RAB39A: variants seen among roughly 807,000 people sequenced by gnomAD.
RAB39A encodes ras-related protein Rab-39A.
In RAB39A, 17 loss-of-function variants were observed where a neutral mutation model predicts 20.9. The observed-to-expected ratio is 0.81, with a 90% CI of 0.56 to 1.22. The LOEUF (loss-of-function observed/expected upper bound fraction) is 1.22, where lower values mean the gene tolerates loss of function less well. RAB39A is among the 50% of genes most tolerant of loss of function. The pLI is 0.00. For missense variants in RAB39A, 234 were observed against 270.5 expected (o/e 0.87, Z 0.95); for synonymous variants, 99 against 103.4 (o/e 0.96, Z 0.26).
At chr11:107,945,237 C>G (rs1406915581) in intron 1 of RAB39A, among the ~76,000 whole-genome samples, 2 of 147,820 alleles carry the variant, frequency 1.4e-5, no homozygotes, top group Non-Finnish European at 3.0e-5. Flanking sequence ...AATCCCAGCA[C>G]TCTGGGAGGC....
chr11:107,946,363 T>C (rs11500992), intron 1 of RAB39A, among the ~76,000 whole-genome samples: 6 of 129,884 alleles, frequency 4.6e-5, no homozygotes, highest in South Asian at 2.6e-4. Context: ...CACACACACA[T>C]ATATATACAC....
intron 1 of RAB39A, among the ~76,000 whole-genome samples, chr11:107,943,361 G>A (rs562076811): frequency 6.6e-6 from 1 of 152,126 alleles, no homozygotes; most frequent in Admixed American, 6.5e-5. Context: ...CACGAGGTCA[G>A]GAGATTGAGA....
chr11:107,929,567 T>C (rs1861116399), intron 1 of RAB39A, among the ~76,000 whole-genome samples: 1 of 152,046 alleles, frequency 6.6e-6, no homozygotes, highest in Admixed American at 6.6e-5. Flanking sequence ...AAGACATATA[T>C]TGAGATTCGC....
At chr11:107,944,321 A>G (rs959112951) in intron 1 of RAB39A, among the ~76,000 whole-genome samples, 2 of 152,138 alleles carry the variant, frequency 1.3e-5, no homozygotes, top group African/African-American at 4.8e-5. Context: ...CATGGCCACA[A>G]CTAGCTGCAG....
rs374047797 is a variant in RAB39A, at chr11:107,940,696, G to A, written c.227+11901G>A. Among the ~76,000 whole-genome samples, 376 of 152,212 alleles carry A rather than the reference G, an allele frequency of 2.5e-3. 1 individual carries two copies. The highest frequency in any genetic ancestry group is 7.4e-3 in the African/African-American group (308 of 41,528). ...GCTTTAAAAATGACCACCTCGGCCG[G>A]GTGTGGTGGCTCATGCCTGTAATCC... On this transcript the variant is annotated intron_variant, in intron 1 of 1. Coordinates refer to ENST00000320578, the MANE Select transcript of RAB39A (RefSeq NM_017516.3).
intron 1 of RAB39A, among the ~76,000 whole-genome samples, chr11:107,935,098 G>A (rs1861180576): frequency 6.6e-6 from 1 of 152,044 alleles, no homozygotes; most frequent in Admixed American, 6.6e-5. Flanking sequence ...CTTGCCAGGT[G>A]TCTTACTGTT....
intron 1 of RAB39A, among the ~76,000 whole-genome samples, chr11:107,929,195 G>A (rs1266619180): frequency 6.6e-6 from 1 of 152,196 alleles, no homozygotes; most frequent in African/African-American, 2.4e-5. Flanking sequence ...CTCCAAGCAG[G>A]CGCCCCTTTT....
intron 1 of RAB39A, among the ~76,000 whole-genome samples, chr11:107,930,439 G>T (rs1361659687): frequency 6.6e-6 from 1 of 152,050 alleles, no homozygotes; most frequent in Non-Finnish European, 1.5e-5. Context: ...GTTAGCTCTT[G>T]ACCCCCCCTC....
chr11:107,951,019 T>C (rs1861373075), intron 1 of RAB39A, among the ~76,000 whole-genome samples: 1 of 151,572 alleles, frequency 6.6e-6, no homozygotes, highest in Non-Finnish European at 1.5e-5. Flanking sequence ...AAATGGGAAA[T>C]ATGACCCATT....
intron 1 of RAB39A, among the ~76,000 whole-genome samples, chr11:107,956,033 A>G (rs1262891620): frequency 6.6e-6 from 1 of 152,080 alleles, no homozygotes; most frequent in East Asian, 1.9e-4. Flanking sequence ...CATTGGATAT[A>G]TCTTTAGGAT....
At chr11:107,930,192 A>G (rs1861121825) in intron 1 of RAB39A, among the ~76,000 whole-genome samples, 1 of 152,214 alleles carries the variant, frequency 6.6e-6, no homozygotes. Flanking sequence ...AAGATTATTG[A>G]TTGGATTTGT....
chr11:107,946,451 TATA>T (rs1861316379), intron 1 of RAB39A, among the ~76,000 whole-genome samples: 6 of 81,782 alleles, frequency 7.3e-5, no homozygotes, highest in East Asian at 3.0e-4. Flanking sequence ...TATATATATA[TATA>T]TATATATTTT....
intron 1 of RAB39A, among the ~76,000 whole-genome samples, chr11:107,933,301 T>C (rs1861155905): frequency 8.7e-6 from 1 of 114,418 alleles, no homozygotes; most frequent in Admixed American, 9.6e-5. Flanking sequence ...CTGTGATTCT[T>C]TATATATATA....
At position 107,962,504 on chromosome 11, in the gene RAB39A, G is replaced by C. The variant is rs1177632435; in HGVS notation, c.*132G>C. ...AACCCACACCAATACTATTTTATAAGGTATTTGATTCAGAGCATGATGCTT... is the reference window on the plus strand; with the variant it reads ...AACCCACACCAATACTATTTTATAACGTATTTGATTCAGAGCATGATGCTT... On this transcript the variant is annotated 3_prime_UTR_variant, in exon 2 of 2. Coordinates refer to ENST00000320578, the MANE Select transcript of RAB39A (RefSeq NM_017516.3). 4.6e-6 allele frequency: 4 copies of C among 861,168 alleles called. No individual in the cohort carries two copies. In the East Asian group the frequency reaches 1.1e-4, roughly 23 times the overall value. 53.3% of individuals were successfully genotyped at this position (861,168 alleles called of 1,614,324 possible). A position where few individuals can be genotyped will look rare whatever the true frequency, so the allele number is the denominator to read the frequency against.
intron 1 of RAB39A, among the ~76,000 whole-genome samples, chr11:107,941,506 T>A (rs1465533490): frequency 6.6e-6 from 1 of 152,192 alleles, no homozygotes. Flanking sequence ...TAGGTAAAGA[T>A]CTAATAGCTC....
chr11:107,957,418 A>G (rs1861448663), intron 1 of RAB39A, among the ~76,000 whole-genome samples: 1 of 152,218 alleles, frequency 6.6e-6, no homozygotes, highest in Admixed American at 6.5e-5. Flanking sequence ...CTGATCCTAG[A>G]GAATGGGCAA....
chr11:107,942,849 T>A (rs1038577580), intron 1 of RAB39A, among the ~76,000 whole-genome samples: 1 of 152,170 alleles, frequency 6.6e-6, no homozygotes, highest in African/African-American at 2.4e-5. Context: ...GTATAATTTC[T>A]GTCCTGAAAA....
At chr11:107,952,825 G>A (rs1381870608) in intron 1 of RAB39A, among the ~76,000 whole-genome samples, 2 of 152,258 alleles carry the variant, frequency 1.3e-5, no homozygotes, top group African/African-American at 2.4e-5. Context: ...GGATGTTGCA[G>A]TGAGCCGAGA....
Position 107,946,369 on chromosome 11 carries a change from T to C in RAB39A, c.228-15577T>C, listed in dbSNP as rs1456616890. On this transcript the variant is annotated intron_variant, in intron 1 of 1. Transcript: ENST00000320578. ...ATATATATACACACACACATATATA[T>C]ACACACATATATATGTGGGTGTATA... 1.1e-4 allele frequency among the ~76,000 whole-genome samples: 15 copies of C among 131,128 alleles called. 1 individual carries two copies. The highest frequency in any genetic ancestry group is 4.0e-3 in the Middle Eastern group (1 of 248). The allele number at this position is 131,128 out of a possible 152,430, so 86.0% of individuals were successfully genotyped here. A position where few individuals can be genotyped will look rare whatever the true frequency, so the allele number is the denominator to read the frequency against.
Sources: allele counts gnomAD v4.1 joint callset (sites outside exome capture counted in the v4.1 genomes callset), GRCh38; gene constraint gnomAD v4.1.1; transcripts MANE v1.5; gene names NCBI Gene and HGNC (gene_info 2026-07-23, HGNC 2026-07-21).